The following SEM1 variants were observed in gnomAD, a reference collection of about 807,000 sequenced individuals.
SEM1 encodes 26S proteasome complex subunit SEM1.
A neutral mutation model predicts 12.7 loss-of-function variants in SEM1; 3 were observed. The ratio of observed to expected loss-of-function variants is 0.24; its 90% confidence interval spans 0.11 to 0.61. The LOEUF is 0.61. Ranked by LOEUF, SEM1 falls within the 20% of genes least tolerant of loss-of-function variation. SEM1 has a pLI of 0.88. For synonymous variants in SEM1, 30 were observed against 27.8 expected (o/e 1.08, Z -0.25); for missense variants, 59 against 81.3 (o/e 0.73, Z 1.06).
rs752081090 is a variant in SEM1, at chr7:96,617,029, G to C, written c.170+77769C>G. Among the ~76,000 whole-genome samples, 20 of 151,956 alleles carry C rather than the reference G, an allele frequency of 1.3e-4. 1 individual carries two copies. Among genetic ancestry groups the C allele is most frequent in the Non-Finnish European group, 7.4e-5 (5 of 67,970 alleles). Reference sequence around the variant, plus strand: ...GTTCAGGATTGCTTTGGTTATTCAGGCTCTTTTTTTGGTTTCATACGAATT... The same window carrying C: ...GTTCAGGATTGCTTTGGTTATTCAGCCTCTTTTTTTGGTTTCATACGAATT... On this transcript the variant is annotated intron_variant and NMD_transcript_variant, in intron 2 of 3. Transcript: ENST00000466986.
intron 2 of SEM1, among the ~76,000 whole-genome samples, chr7:96,560,256 T>C (rs1246213928): frequency 6.6e-6 from 1 of 152,224 alleles, no homozygotes; most frequent in Non-Finnish European, 1.5e-5. Flanking sequence ...TATTGATTAA[T>C]TGCTCCTTCT....
At chr7:96,603,073 A>T (rs575216209) in intron 2 of SEM1, among the ~76,000 whole-genome samples, 1 of 152,352 alleles carries the variant, frequency 6.6e-6, no homozygotes, top group Admixed American at 6.5e-5. Flanking sequence ...TTTAGTTTTT[A>T]ACCTGACAGT....
chr7:96,642,309 T>C (rs551588528), intron 2 of SEM1, among the ~76,000 whole-genome samples: 1 of 152,232 alleles, frequency 6.6e-6, no homozygotes, highest in East Asian at 1.9e-4. Context: ...ACCTAGAGTT[T>C]ATAGAATTTT....
At chr7:96,528,279 T>C (rs1172348373) in intron 2 of SEM1, among the ~76,000 whole-genome samples, 3 of 152,112 alleles carry the variant, frequency 2.0e-5, no homozygotes, top group African/African-American at 7.2e-5. Context: ...CTTCAACCTC[T>C]GCCTCCAAGG....
rs60940244 is a variant in SEM1 at position 96,615,241 on chromosome 7, C to CTTTTTTTTTTTTTTTTTTTTTT, written c.170+79535_170+79556dup. 5.5e-5 allele frequency among the ~76,000 whole-genome samples: 7 copies of CTTTTTTTTTTTTTTTTTTTTTT among 126,464 alleles called. 1 individual carries two copies. Among genetic ancestry groups the CTTTTTTTTTTTTTTTTTTTTTT allele is most frequent in the Admixed American group, 1.7e-4 (2 of 11,452 alleles). The allele number at this position is 126,464 out of a possible 152,430, so 83.0% of individuals were successfully genotyped here. A position where few individuals can be genotyped will look rare whatever the true frequency, so the allele number is the denominator to read the frequency against. On this transcript the variant is annotated intron_variant and NMD_transcript_variant, in intron 2 of 3. Transcript: ENST00000466986. ...ACTGTTGGGTTATTTTTTGAGTCATCTTTTTTTTTTTTTTTTTTTTTTTTG... is the reference window on the plus strand; with the variant it reads ...ACTGTTGGGTTATTTTTTGAGTCATCTTTTTTTTTTTTTTTTTTTTTTTTTTTTTTTTTTTTTTTTTTTTTTG...
intron 2 of SEM1, among the ~76,000 whole-genome samples, chr7:96,588,299 A>T (rs1438586612): frequency 6.6e-6 from 1 of 151,356 alleles, no homozygotes; most frequent in Non-Finnish European, 1.5e-5. Context: ...ATGAGCCACG[A>T]TCACACCACT....
chr7:96,660,581 C>T (rs1386831505), intron 2 of SEM1, among the ~76,000 whole-genome samples: 3 of 152,004 alleles, frequency 2.0e-5, no homozygotes, highest in Non-Finnish European at 4.4e-5. Context: ...ATATAATTTC[C>T]AATGTGCATT....
At chr7:96,495,992 C>T (rs1009492043) in intron 1 of SEM1, among the ~76,000 whole-genome samples, 4 of 152,044 alleles carry the variant, frequency 2.6e-5, no homozygotes, top group Non-Finnish European at 4.4e-5. Flanking sequence ...GGAAAACAGC[C>T]GCAGGCCTCT....
intron 2 of SEM1, among the ~76,000 whole-genome samples, chr7:96,525,630 A>T (rs937548731): frequency 4.6e-5 from 7 of 152,076 alleles, no homozygotes; most frequent in African/African-American, 1.7e-4. Context: ...TAGTAAAATT[A>T]AAAAGGTCTC....
chr7:96,681,741 T>C (rs1044340615), intron 2 of SEM1, among the ~76,000 whole-genome samples: 6 of 152,184 alleles, frequency 3.9e-5, no homozygotes, highest in Non-Finnish European at 7.4e-5. Flanking sequence ...TCCATTGGTT[T>C]ACATATCTGT....
At chr7:96,699,743 C>T (rs1375990494) in intron 1 of SEM1, among the ~76,000 whole-genome samples, 1 of 152,172 alleles carries the variant, frequency 6.6e-6, no homozygotes, top group East Asian at 1.9e-4. Context: ...ACTTTACTAT[C>T]AGTTGAAGGA....
At chr7:96,656,993 A>G (rs980441434) in intron 2 of SEM1, among the ~76,000 whole-genome samples, 2 of 152,096 alleles carry the variant, frequency 1.3e-5, no homozygotes, top group African/African-American at 4.8e-5. Context: ...TAAAATTGTG[A>G]TTATGTACCC....
upstream of SEM1, among the ~76,000 whole-genome samples, chr7:96,500,850 C>A (rs772201133): frequency 6.6e-6 from 1 of 152,150 alleles, no homozygotes; most frequent in Non-Finnish European, 1.5e-5. Flanking sequence ...CCTGCCAGGC[C>A]TGGACTACAT....
intron 1 of SEM1, among the ~76,000 whole-genome samples, chr7:96,702,533 T>C (rs1295894722): frequency 6.6e-6 from 1 of 152,210 alleles, no homozygotes; most frequent in Non-Finnish European, 1.5e-5. Context: ...TGTTCAAATA[T>C]GGGACAATCT....
chr7:96,667,613 T>C (rs770279350), intron 2 of SEM1, among the ~76,000 whole-genome samples: 13 of 152,212 alleles, frequency 8.5e-5, no homozygotes, highest in Non-Finnish European at 1.8e-4. Flanking sequence ...AGGGATGTTT[T>C]TTCTCTAGGG....
At chr7:96,680,250 C>T (rs1382887180) in intron 2 of SEM1, among the ~76,000 whole-genome samples, 1 of 152,056 alleles carries the variant, frequency 6.6e-6, no homozygotes, top group Non-Finnish European at 1.5e-5. Context: ...CTTCCCCACT[C>T]CCCTAGTACT....
chr7:96,533,566 T>C (rs948985581), intron 2 of SEM1, among the ~76,000 whole-genome samples: 4 of 152,006 alleles, frequency 2.6e-5, no homozygotes, highest in Non-Finnish European at 5.9e-5. Context: ...CAGAAATCCA[T>C]CATAAGCTTG....
At chr7:96,606,321 G>A (rs772214800) in intron 2 of SEM1, among the ~76,000 whole-genome samples, 19 of 152,140 alleles carry the variant, frequency 1.2e-4, no homozygotes, top group Non-Finnish European at 1.9e-4. Context: ...CGGAGAACAA[G>A]GGCAAAAAAT....
rs373088661 is a variant in SEM1 at position 96,709,716 on chromosome 7, G to A, written c.48C>T (p.Asp16=). Residue 16 remains aspartate, a synonymous_variant, in exon 1 of 3, where the codon GAC becomes GAT. Coordinates refer to ENST00000248566, the MANE Select transcript of SEM1 (RefSeq NM_006304.2). ...CGGCAGGGAACTCTTCAAACTCGTC[G>A]TCTTCCTCTAACAGACCTAAGTCTA... ...QPVDLGLLEE[D]DEFEEFPAED... 6.2e-7 allele frequency: 1 copy of A among 1,613,806 alleles called. No individual in the cohort carries two copies. Among genetic ancestry groups the A allele is most frequent in the Non-Finnish European group, 8.5e-7 (1 of 1,179,880 alleles).
Sources: allele counts gnomAD v4.1 joint callset (sites outside exome capture counted in the v4.1 genomes callset), GRCh38; gene constraint gnomAD v4.1.1; transcripts MANE v1.5; gene names NCBI Gene and HGNC (gene_info 2026-07-23, HGNC 2026-07-21).